ASAH2: variants seen among roughly 807,000 people sequenced by gnomAD.
The protein encoded by ASAH2 is N-acylsphingosine amidohydrolase 2, also known as neutral ceramidase.
In ASAH2, 58 loss-of-function variants were observed where a neutral mutation model predicts 82.9. The observed-to-expected ratio is 0.70, with a 90% confidence interval of 0.57 to 0.87. ASAH2 has a LOEUF of 0.87. Among genes scored for constraint, ASAH2 ranks in the 40% least tolerant of loss-of-function variants. ASAH2 has a pLI of 0.00. For missense variants in ASAH2, 779 were observed against 834.0 expected (o/e 0.93, Z 0.81); for synonymous variants, 276 against 289.7 (o/e 0.95, Z 0.48).
At chr10:50,237,355 G>T (rs1846188001) in intron 4 of ASAH2, among the ~76,000 whole-genome samples, 1 of 152,176 alleles carries the variant, frequency 6.6e-6, no homozygotes, top group African/African-American at 2.4e-5. Flanking sequence ...AGCAACCTTA[G>T]AAGTAATTTC....
Position 50,210,921 on chromosome 10 carries a change from A to C in ASAH2, c.1333-17T>G. ...TGTTTTTGACTAAAGGAAAAGTTTT[A>C]AAAACAAAACAAAAATGAAAAAGAC... On this transcript the variant is annotated splice_polypyrimidine_tract_variant and intron_variant, in intron 11 of 20. Transcript: ENST00000682911. 1.9e-6 allele frequency: 3 copies of C among 1,611,944 alleles called. No individual in the cohort carries two copies. Among genetic ancestry groups the C allele is most frequent in the Non-Finnish European group, 2.5e-6 (3 of 1,178,052 alleles).
At chr10:50,193,955 C>T (rs1389594922) in intron 18 of ASAH2, among the ~76,000 whole-genome samples, 1 of 150,426 alleles carries the variant, frequency 6.6e-6, no homozygotes, top group African/African-American at 2.5e-5. Context: ...TAGAAAGACA[C>T]AAAATTGATG....
intron 3 of ASAH2, among the ~76,000 whole-genome samples, chr10:50,244,218 G>A (rs1042934085): frequency 1.3e-5 from 2 of 152,144 alleles, no homozygotes; most frequent in African/African-American, 4.8e-5. Context: ...GCAGCAGGCT[G>A]TCCATGATTA....
At chr10:50,225,588 C>T (rs1845859707) in intron 7 of ASAH2, among the ~76,000 whole-genome samples, 2 of 152,130 alleles carry the variant, frequency 1.3e-5, no homozygotes, top group African/African-American at 4.8e-5. Flanking sequence ...TACTTGGCAA[C>T]AATTGTAAAG....
intron 17 of ASAH2, chr10:50,198,202 C>T (rs1845041600): frequency 6.6e-6 from 1 of 151,798 alleles, no homozygotes; most frequent in African/African-American, 2.4e-5. Flanking sequence ...ATTTTCTTTG[C>T]TATGCCACAA....
rs779715172 is a variant in ASAH2 at position 50,243,319 on chromosome 10, C to G, written c.393G>C (p.Gln131His). The G allele has an allele frequency of 1.2e-6, 2 of 1,613,940 alleles. No homozygotes were observed. Among genetic ancestry groups the G allele is most frequent in the Admixed American group, 1.7e-5 (1 of 59,982 alleles). Reference protein sequence around the residue: ...MGYGKSGQNAQGILTRLYSRA... With the variant: ...MGYGKSGQNAHGILTRLYSRA... ...GACTGTATAGCCTGGTGAGGATGCC[C>G]TGTGCATTCTGGCCGGATTTGCCAT... is the stretch of plus-strand genomic sequence containing the variant. The change falls in exon 4 of 21, where the codon CAG (glutamine) becomes CAC (histidine). Residue 131 changes from glutamine to histidine, a missense_variant. Coordinates refer to ENST00000682911, the MANE Select transcript of ASAH2 (RefSeq NM_019893.4).
At chr10:50,228,906 C>T (rs1026733267) in intron 7 of ASAH2, among the ~76,000 whole-genome samples, 35,003 of 151,840 alleles carry the variant, frequency 0.23, 4,749 homozygotes, top group Non-Finnish European at 0.31. Flanking sequence ...GAAAACTTGG[C>T]GGAAGAAAAG....
chr10:50,210,839 G>A lies in ASAH2; in HGVS notation c.1398C>T (p.Gly466=), dbSNP rs768779943. ...TCACCTTACCCTGTGTAAAATTGAG[G>A]CCTCCAACTCCATCAATAGTGCCAG... is the stretch of plus-strand genomic sequence containing the variant. ...FAAGTIDGVG[G]LNFTQGKTEG... Residue 466 remains glycine (G), a synonymous_variant, in exon 12 of 21, where the codon GGC becomes GGT. Coordinates refer to ENST00000682911, the MANE Select transcript of ASAH2 (RefSeq NM_019893.4). 5.0e-6 allele frequency: 8 copies of A among 1,612,502 alleles called. No homozygotes were observed. The African/African-American group carries it at 9.3e-5, about 19-fold the overall frequency.
At chr10:50,214,689 A>T in intron 9 of ASAH2, 54 bp downstream of exon 9, 1 of 1,602,786 alleles carries the variant, frequency 6.2e-7, no homozygotes, top group Non-Finnish European at 8.5e-7. Context: ...ATATTCAAAC[A>T]TAAAATGTAT....
intron 12 of ASAH2, among the ~76,000 whole-genome samples, chr10:50,208,205 A>G (rs1372744516): frequency 6.6e-6 from 1 of 152,058 alleles, no homozygotes; most frequent in Non-Finnish European, 1.5e-5. Flanking sequence ...ATTATAGTTA[A>G]TGATGAATGA....
chr10:50,236,025 T>C lies in ASAH2; in HGVS notation c.550A>G (p.Arg184Gly). ...RLQSKYGSLY[R>G]RDNVILSGTH... ...CCACTCAGGATGACATTATCTCTTC[T>C]GTACAGGGAGCCATATTTACTCTGC... The change falls in exon 5 of 21, where the codon AGA becomes GGA. Residue 184 changes from arginine (R) to glycine (G), a missense_variant. Arg to Gly is a moderately radical substitution (Grantham distance 125). Transcript: ENST00000682911. 1 of 1,613,328 alleles carries C rather than the reference T, an allele frequency of 6.2e-7. No homozygotes were observed.
At chr10:50,224,210 A>G (rs1407979216) in intron 7 of ASAH2, among the ~76,000 whole-genome samples, 1 of 152,162 alleles carries the variant, frequency 6.6e-6, no homozygotes, top group African/African-American at 2.4e-5. Flanking sequence ...AATTAAAATA[A>G]CTAATACATG....
At chr10:50,207,413 T>C (rs909573070) in intron 12 of ASAH2, among the ~76,000 whole-genome samples, 31 of 151,676 alleles carry the variant, frequency 2.0e-4, no homozygotes, top group African/African-American at 7.5e-4. Context: ...GTCAACAAAA[T>C]TGGCAAAACT....
intron 13 of ASAH2, 34 bp from the exon 14 acceptor site, chr10:50,204,989 A>ATAACAC: frequency 6.9e-7 from 1 of 1,445,228 alleles, no homozygotes; most frequent in Middle Eastern, 1.8e-4. Flanking sequence ...TATGTTAGGG[A>ATAACAC]TAACACTCTC....
Position 50,247,066 on chromosome 10 carries a change from C to T in ASAH2, c.127+1418G>A, listed in dbSNP as rs921129371. 2.0e-5 allele frequency among the ~76,000 whole-genome samples: 3 copies of T among 152,158 alleles called. No individual in the cohort carries two copies. The East Asian group carries it at 5.8e-4, about 29-fold the overall frequency. On this transcript the variant is annotated intron_variant, in intron 2 of 20. Coordinates refer to ENST00000682911, the MANE Select transcript of ASAH2 (RefSeq NM_019893.4). The stretch of plus-strand genomic sequence containing the variant: ...CCATTTAATAAACAGTAACTACTGC[C>T]ATAAGAATAGTTGCTGTAATTAATA...
chr10:50,236,141 C>A, intron 4 of ASAH2, 77 bp from the exon 5 acceptor site: 2 of 1,263,542 alleles, frequency 1.6e-6, no homozygotes, highest in South Asian at 2.4e-5. Flanking sequence ...TTGATGAGTT[C>A]AATCACTGAT....
At chr10:50,205,942 A>G in intron 13 of ASAH2, 40 bp downstream of exon 13, 1 of 1,436,266 alleles carries the variant, frequency 7.0e-7, no homozygotes, top group South Asian at 1.1e-5. Flanking sequence ...TTTAAAAATA[A>G]CAATATGCTA....
chr10:50,210,087 AT>A (rs1163132819), intron 12 of ASAH2, among the ~76,000 whole-genome samples: 2 of 152,186 alleles, frequency 1.3e-5, no homozygotes, highest in Non-Finnish European at 2.9e-5. Context: ...TCCCATGAAT[AT>A]TTATAGACTA....
chr10:50,211,010 T>G lies in ASAH2; in HGVS notation c.1332+20A>C. The G allele has an allele frequency of 6.2e-7, 1 of 1,605,906 alleles. No individual in the cohort carries two copies. Among genetic ancestry groups the G allele is most frequent in the East Asian group, 2.2e-5 (1 of 44,846 alleles). On this transcript the variant is annotated intron_variant, in intron 11 of 20. Transcript: ENST00000682911. ...AACTTCACCCTTGGGGCATAACCAG[T>G]GTGTCTCAGCAGCACTTACTGCATG...
Sources: allele counts gnomAD v4.1 joint callset (sites outside exome capture counted in the v4.1 genomes callset), GRCh38; gene constraint gnomAD v4.1.1; transcripts MANE v1.5; gene names NCBI Gene and HGNC (gene_info 2026-07-23, HGNC 2026-07-21).